The following NRG1 variants were observed in gnomAD, a reference collection of about 807,000 sequenced individuals.
NRG1 encodes pro-neuregulin-1, membrane-bound isoform.
NRG1 carries 18 observed loss-of-function variants against 63.8 expected under a neutral mutation model. The ratio of observed to expected loss-of-function variants is 0.28; its 90% CI spans 0.19 to 0.42. The LOEUF is 0.42. Among genes scored for constraint, NRG1 ranks in the 10% least tolerant of loss-of-function variants. NRG1 has a pLI of 1.00. For missense variants in NRG1, 762 were observed against 814.7 expected, an observed-to-expected ratio of 0.94 and a Z score of 0.79; for synonymous variants, 302 against 301.3, an observed-to-expected ratio of 1.00 and a Z score of -0.02.
downstream of NRG1, among the ~76,000 whole-genome samples, chr8:32,771,715 A>AAAATATATATATATAT (rs1343943621): frequency 8.9e-6 from 1 of 111,848 alleles, no homozygotes; most frequent in African/African-American, 3.5e-5. Flanking sequence ...TTAAAAAAAA[A>AAAATATATATATATAT]ATATATATAT....
chr8:31,841,054 C>G (rs556811966), intron 1 of NRG1, among the ~76,000 whole-genome samples: 1 of 152,238 alleles, frequency 6.6e-6, no homozygotes, highest in East Asian at 1.9e-4. Flanking sequence ...CTCCTTTTCT[C>G]AAGGAGACTT....
chr8:32,034,567 C>A (rs1182631583), intron 1 of NRG1, among the ~76,000 whole-genome samples: 6 of 152,124 alleles, frequency 3.9e-5, no homozygotes, highest in Admixed American at 3.9e-4. Flanking sequence ...AGCTGTAGAC[C>A]AGTCTATTCC....
At chr8:32,418,020 C>T (rs903771724) in intron 1 of NRG1, among the ~76,000 whole-genome samples, 1 of 152,038 alleles carries the variant, frequency 6.6e-6, no homozygotes, top group Non-Finnish European at 1.5e-5. Context: ...TTTGCTATCA[C>T]TAGATAGTGG....
intron 1 of NRG1, among the ~76,000 whole-genome samples, chr8:32,074,922 A>G (rs1352493450): frequency 6.6e-6 from 1 of 152,256 alleles, no homozygotes; most frequent in Non-Finnish European, 1.5e-5. Context: ...GGTATATAGT[A>G]GTTAAAACAA....
intron 1 of NRG1, among the ~76,000 whole-genome samples, chr8:32,073,511 T>C (rs1826052439): frequency 6.6e-6 from 1 of 152,178 alleles, no homozygotes; most frequent in Non-Finnish European, 1.5e-5. Context: ...AATTATAAGA[T>C]AAATGCTCTG....
At position 32,741,733 on chromosome 8, in the gene NRG1, G is replaced by A. The variant is rs1031850121; in HGVS notation, c.633-942G>A. On this transcript the variant is annotated intron_variant, in intron 6 of 11. Transcript: ENST00000356819. ...GCCAAAGGGAAATTGACAGCTCTCC[G>A]GGCCATGCTGCCTCTTATTCCACAT... Among the ~76,000 whole-genome samples, 5 of 152,106 alleles carry A rather than the reference G, an allele frequency of 3.3e-5. No homozygotes were observed. In the South Asian group the frequency reaches 8.3e-4, roughly 25 times the overall value.
At chr8:31,961,673 G>T (rs1805475500) in intron 1 of NRG1, among the ~76,000 whole-genome samples, 1 of 152,082 alleles carries the variant, frequency 6.6e-6, no homozygotes, top group Admixed American at 6.6e-5. Context: ...AAATCTGTAT[G>T]CCTCCCTCCA....
intron 1 of NRG1, among the ~76,000 whole-genome samples, chr8:32,515,744 G>A (rs1043843818): frequency 3.9e-5 from 6 of 152,126 alleles, no homozygotes; most frequent in African/African-American, 1.4e-4. Flanking sequence ...TCAGGCCTTT[G>A]CTCACTTTTT....
At chr8:32,093,249 T>TC (rs1358618311) in intron 1 of NRG1, among the ~76,000 whole-genome samples, 1 of 152,132 alleles carries the variant, frequency 6.6e-6, no homozygotes, top group Non-Finnish European at 1.5e-5. Flanking sequence ...CTATGCAGGA[T>TC]GTGCATAGCC....
intron 1 of NRG1, among the ~76,000 whole-genome samples, chr8:31,726,031 T>G (rs1361227419): frequency 6.6e-6 from 1 of 152,134 alleles, no homozygotes; most frequent in East Asian, 1.9e-4. Flanking sequence ...TGCTACATAT[T>G]TAAATATTTA....
At chr8:32,689,779 T>C (rs1811115470) in intron 5 of NRG1, among the ~76,000 whole-genome samples, 1 of 152,174 alleles carries the variant, frequency 6.6e-6, no homozygotes. Flanking sequence ...TCACATCGTT[T>C]TCATAACCAA....
At chr8:32,334,082 GT>G (rs1416757101) in intron 1 of NRG1, among the ~76,000 whole-genome samples, 2 of 152,252 alleles carry the variant, frequency 1.3e-5, no homozygotes, top group African/African-American at 2.4e-5. Flanking sequence ...AATTTATGCT[GT>G]ACTTACATGA....
At chr8:32,253,182 T>C (rs1849316652) in intron 1 of NRG1, among the ~76,000 whole-genome samples, 1 of 152,222 alleles carries the variant, frequency 6.6e-6, no homozygotes, top group Non-Finnish European at 1.5e-5. Flanking sequence ...TTGAATATAC[T>C]TTATTTCTTT....
At chr8:32,674,042 C>T (rs1049821556) in intron 5 of NRG1, among the ~76,000 whole-genome samples, 3 of 152,124 alleles carry the variant, frequency 2.0e-5, no homozygotes, top group African/African-American at 7.2e-5. Context: ...TCCTAATATA[C>T]AGGACAAAAG....
intron 1 of NRG1, among the ~76,000 whole-genome samples, chr8:32,239,273 G>A (rs1345358491): frequency 2.7e-5 from 2 of 73,030 alleles, no homozygotes; most frequent in African/African-American, 7.8e-5. Flanking sequence ...GGAAAGATGA[G>A]CTTTAAAAAA....
intron 1 of NRG1, among the ~76,000 whole-genome samples, chr8:32,492,934 T>G (rs748225711): frequency 6.6e-6 from 1 of 152,186 alleles, no homozygotes; most frequent in Non-Finnish European, 1.5e-5. Flanking sequence ...TTGAAATATT[T>G]CTGAAACCAT....
chr8:31,852,927 G>A (rs1253499750), intron 1 of NRG1, among the ~76,000 whole-genome samples: 1 of 152,058 alleles, frequency 6.6e-6, no homozygotes, highest in East Asian at 1.9e-4. Context: ...TTGTAGATAT[G>A]TGGCGTTATT....
At position 31,869,869 on chromosome 8, in the gene NRG1, G is replaced by T. The variant is rs531263729; in HGVS notation, c.37+230438G>T. On this transcript the variant is annotated intron_variant, in intron 1 of 10. Coordinates refer to the NRG1 transcript ENST00000519301. Reference sequence around the variant, plus strand: ...ATCCATGAGAAAATAGTATGATAAAGAAAGCAGGGTGTGACCTTATTGGAT... The same window carrying T: ...ATCCATGAGAAAATAGTATGATAAATAAAGCAGGGTGTGACCTTATTGGAT... Among the ~76,000 whole-genome samples the T allele has an allele frequency of 2.6e-5, 4 of 152,306 alleles. No homozygotes were observed. The East Asian group carries it at 7.7e-4, about 29-fold the overall frequency.
intron 1 of NRG1, among the ~76,000 whole-genome samples, chr8:32,351,584 C>A (rs1265846194): frequency 1.3e-5 from 2 of 152,162 alleles, no homozygotes; most frequent in East Asian, 3.9e-4. Context: ...CACTCCACAG[C>A]AATACCAGCT....
Sources: gnomAD v4.1 joint callset for allele counts (sites outside exome capture counted in the v4.1 genomes callset) on GRCh38, gnomAD v4.1.1 for gene constraint, MANE v1.5 for transcripts, NCBI Gene and HGNC (gene_info 2026-07-23, HGNC 2026-07-21) for gene names.